PDE10A: variants seen among roughly 807,000 people sequenced by gnomAD.
PDE10A encodes the protein cAMP and cAMP-inhibited cGMP 3',5'-cyclic phosphodiesterase 10A.
Under a neutral mutation model 97.7 loss-of-function variants are expected in PDE10A, and 39 were observed. The observed-to-expected ratio is 0.40, with a 90% CI of 0.31 to 0.52. The LOEUF is 0.52. Among genes scored for constraint, PDE10A ranks in the 20% least tolerant of loss-of-function variants. PDE10A has a pLI of 0.56. For synonymous variants in PDE10A, 371 were observed against 376.8 expected (o/e 0.98, Z 0.18); for missense variants, 731 against 1,047.8 (o/e 0.70, Z 4.17).
chr6:165,882,808 A>G (rs1460489872), intron 1 of PDE10A, among the ~76,000 whole-genome samples: 1 of 151,006 alleles, frequency 6.6e-6, no homozygotes, highest in Non-Finnish European at 1.5e-5. Flanking sequence ...GATCGTGGCT[A>G]TGAAACAATT....
At chr6:165,831,642 G>A (rs1018223760) in intron 1 of PDE10A, among the ~76,000 whole-genome samples, 7 of 151,270 alleles carry the variant, frequency 4.6e-5, no homozygotes, top group Admixed American at 3.9e-4. Context: ...CCGCCACCAC[G>A]CCCGGCTAAT....
intron 1 of PDE10A, among the ~76,000 whole-genome samples, chr6:165,883,456 C>T (rs1452370501): frequency 6.6e-6 from 1 of 151,544 alleles, no homozygotes; most frequent in East Asian, 1.9e-4. Flanking sequence ...GGAGGAGACT[C>T]GCTTGAACCC....
intron 5 of PDE10A, among the ~76,000 whole-genome samples, chr6:165,445,123 T>C (rs1388608673): frequency 6.6e-6 from 1 of 152,216 alleles, no homozygotes; most frequent in Non-Finnish European, 1.5e-5. Context: ...AATATATACA[T>C]GTATCTGCTT....
At chr6:165,851,419 T>C (rs553856834) in intron 1 of PDE10A, among the ~76,000 whole-genome samples, 1 of 152,356 alleles carries the variant, frequency 6.6e-6, no homozygotes, top group South Asian at 2.1e-4. Context: ...ATGTATATTT[T>C]ACAACTGGGC....
At chr6:165,581,023 A>C (rs1307538515) in intron 1 of PDE10A, among the ~76,000 whole-genome samples, 2 of 152,232 alleles carry the variant, frequency 1.3e-5, no homozygotes, top group Non-Finnish European at 1.5e-5. Flanking sequence ...TTAGCACATT[A>C]AGTTAGAAAA....
intron 1 of PDE10A, among the ~76,000 whole-genome samples, chr6:165,963,897 C>T (rs1784430267): frequency 6.6e-6 from 1 of 152,180 alleles, no homozygotes; most frequent in Admixed American, 6.5e-5. Context: ...TGACTGACAG[C>T]CCCTGGTCCA....
At chr6:165,868,923 T>C (rs904247824) in intron 1 of PDE10A, among the ~76,000 whole-genome samples, 1 of 151,806 alleles carries the variant, frequency 6.6e-6, no homozygotes, top group African/African-American at 2.4e-5. Flanking sequence ...AAAATCCATA[T>C]GGTTATCATA....
intron 1 of PDE10A, among the ~76,000 whole-genome samples, chr6:165,906,160 G>A (rs1782280774): frequency 6.9e-6 from 1 of 144,008 alleles, no homozygotes; most frequent in Non-Finnish European, 1.5e-5. Flanking sequence ...GGCAAAGCCA[G>A]TGATCTTGGA....
chr6:165,890,047 A>C (rs1413661391), intron 1 of PDE10A, among the ~76,000 whole-genome samples: 189 of 22,668 alleles, frequency 8.3e-3, no homozygotes, highest in Admixed American at 0.011. Context: ...CTCCTCCCTC[A>C]CTCTTCACTC....
intron 2 of PDE10A, among the ~76,000 whole-genome samples, chr6:165,526,403 C>A (rs947255305): frequency 2.6e-5 from 4 of 152,140 alleles, no homozygotes; most frequent in Non-Finnish European, 4.4e-5. Context: ...GCTGGCAGAA[C>A]CCCCACATTG....
intron 5 of PDE10A, among the ~76,000 whole-genome samples, chr6:165,446,340 A>C (rs1790846724): frequency 6.6e-6 from 1 of 152,208 alleles, no homozygotes; most frequent in Non-Finnish European, 1.5e-5. Flanking sequence ...CTTGAGATAC[A>C]AGAAGAAATG....
At chr6:165,396,025 A>T (rs1786131648) in intron 14 of PDE10A, among the ~76,000 whole-genome samples, 2 of 152,216 alleles carry the variant, frequency 1.3e-5, no homozygotes, top group African/African-American at 4.8e-5. Context: ...TGAGTGTTAA[A>T]TATTAAATGG....
intron 1 of PDE10A, among the ~76,000 whole-genome samples, chr6:165,968,654 G>C (rs1210696438): frequency 6.6e-6 from 1 of 152,142 alleles, no homozygotes; most frequent in Non-Finnish European, 1.5e-5. Flanking sequence ...TGTCTAACTG[G>C]GGCTTCCTTG....
At chr6:165,482,658 G>A (rs1301860795) in intron 2 of PDE10A, among the ~76,000 whole-genome samples, 2 of 152,126 alleles carry the variant, frequency 1.3e-5, no homozygotes, top group African/African-American at 4.8e-5. Context: ...CTAAAGTGGG[G>A]TTTATAACAC....
intron 1 of PDE10A, among the ~76,000 whole-genome samples, chr6:165,650,886 T>C (rs2065783159): frequency 6.6e-6 from 1 of 152,130 alleles, no homozygotes. Context: ...TACAGGTGTG[T>C]GCCACCGCAC....
intron 2 of PDE10A, among the ~76,000 whole-genome samples, chr6:165,523,328 A>G (rs1215370044): frequency 2.6e-5 from 4 of 152,172 alleles, no homozygotes; most frequent in African/African-American, 4.8e-5. Flanking sequence ...CCTAAGCAAA[A>G]AGAACATGGC....
chr6:165,988,006 C>T (rs1785277548), upstream of PDE10A: 4 of 414,442 alleles, frequency 9.7e-6, no homozygotes, highest in Admixed American at 1.0e-4. Context: ...TCCGAGTGCA[C>T]TTCACATTTG....
intron 1 of PDE10A, among the ~76,000 whole-genome samples, chr6:165,791,029 C>A (rs1316871231): frequency 6.6e-6 from 1 of 152,058 alleles, no homozygotes; most frequent in Non-Finnish European, 1.5e-5. Flanking sequence ...ACCCCAGCAA[C>A]CAACTCCTGG....
chr6:165,950,055 C>G (rs966871006), intron 1 of PDE10A: 1 of 152,158 alleles, frequency 6.6e-6, no homozygotes, highest in African/African-American at 2.4e-5. Context: ...AGTCCAGCCT[C>G]TTGTTTTTGC....
Sources: gnomAD v4.1 joint callset for allele counts (sites outside exome capture counted in the v4.1 genomes callset) on GRCh38, gnomAD v4.1.1 for gene constraint, MANE v1.5 for transcripts, NCBI Gene and HGNC (gene_info 2026-07-23, HGNC 2026-07-21) for gene names.